The following MID1 variants were observed in gnomAD, a reference collection of about 807,000 sequenced individuals.
MID1 encodes midline 1, also known as E3 ubiquitin-protein ligase Midline-1.
Under a neutral mutation model 40.4 loss-of-function variants are expected in MID1, and 7 were observed. The ratio of observed to expected loss-of-function variants is 0.17; its 90% CI spans 0.10 to 0.33. MID1 has a LOEUF of 0.33. MID1 is among the 10% of genes least tolerant of loss of function. The probability of loss-of-function intolerance (pLI) is 1.00; values close to 1 mark genes in which losing one functional copy is unlikely to be tolerated. For synonymous variants in MID1, 229 were observed against 221.2 expected (o/e 1.04, Z -0.31); for missense variants, 367 against 558.5 (o/e 0.66, Z 3.46).
intron 3 of MID1, among the ~76,000 whole-genome samples, chrX:10,507,124 A>G (rs1198623605): frequency 2.7e-5 from 3 of 111,403 alleles, no homozygotes; most frequent in Non-Finnish European, 5.7e-5. Context: ...GATTATTTGG[A>G]GAAGTGTCCC....
intron 1 of MID1, among the ~76,000 whole-genome samples, chrX:10,626,940 C>G (rs1420411557): frequency 9.0e-6 from 1 of 110,676 alleles, no homozygotes; most frequent in Non-Finnish European, 1.9e-5. Context: ...ATTCATAAAC[C>G]AGGAAAGAGC....
intron 8 of MID1, among the ~76,000 whole-genome samples, chrX:10,456,679 A>G (rs1035325418): frequency 2.7e-5 from 3 of 111,434 alleles, no homozygotes; most frequent in African/African-American, 9.8e-5. Flanking sequence ...TCTACTAAAA[A>G]TACAAAAATT....
chrX:10,514,368 A>G (rs951817667), intron 3 of MID1, among the ~76,000 whole-genome samples: 1 of 112,330 alleles, frequency 8.9e-6, no homozygotes, highest in Non-Finnish European at 1.9e-5. Context: ...CTCATTCCAA[A>G]ATACTCAAAG....
chrX:10,656,572 A>G (rs1447997637), intron 1 of MID1, among the ~76,000 whole-genome samples: 2 of 111,725 alleles, frequency 1.8e-5, no homozygotes, highest in Non-Finnish European at 3.8e-5. Flanking sequence ...AAATGCCAAC[A>G]GTCAGTTTCC....
chrX:10,514,092 A>G (rs1360462955), intron 3 of MID1, among the ~76,000 whole-genome samples: 1 of 111,691 alleles, frequency 9.0e-6, no homozygotes, highest in Non-Finnish European at 1.9e-5. Context: ...TTTAAGTATT[A>G]ACCTTGGAAA....
intron 1 of MID1, among the ~76,000 whole-genome samples, chrX:10,610,213 A>G (rs1202262968): frequency 8.9e-6 from 1 of 112,333 alleles, no homozygotes; most frequent in East Asian, 2.8e-4. Flanking sequence ...GCTCTGGGGC[A>G]GTGCTCTCAC....
intron 1 of MID1, among the ~76,000 whole-genome samples, chrX:10,721,213 T>G (rs890518077): frequency 9.0e-6 from 1 of 110,556 alleles, no homozygotes; most frequent in Non-Finnish European, 1.9e-5. Context: ...AAAAGAAAAA[T>G]AAATAAAGAA....
intron 1 of MID1, among the ~76,000 whole-genome samples, chrX:10,794,947 A>T (rs1422247041): frequency 9.0e-6 from 1 of 111,242 alleles, no homozygotes; most frequent in Non-Finnish European, 1.9e-5. Context: ...ACATATCCAC[A>T]CCCCATCTCC....
chrX:10,595,242 C>G lies in MID1; in HGVS notation c.-57+25048G>C, dbSNP rs538241403. Among the ~76,000 whole-genome samples the G allele has an allele frequency of 3.2e-3, 361 of 111,689 alleles. 4 individuals are homozygous for G. The highest frequency in any genetic ancestry group is 0.011 in the African/African-American group (346 of 30,789). ...TGAAATTACTATGTCGAAGACACAC[C>G]CGCATATTCATGTTTATTGCAGCAC... On this transcript the variant is annotated intron_variant, in intron 1 of 9. Coordinates refer to ENST00000317552, the MANE Select transcript of MID1 (RefSeq NM_000381.4).
At chrX:10,557,810 G>A (rs1278268575) in intron 2 of MID1, among the ~76,000 whole-genome samples, 1 of 111,722 alleles carries the variant, frequency 9.0e-6, no homozygotes, top group Non-Finnish European at 1.9e-5. Flanking sequence ...AATCAGCAAC[G>A]ACATCTCCTA....
intron 1 of MID1, among the ~76,000 whole-genome samples, chrX:10,686,158 C>T (rs974149367): frequency 5.4e-5 from 6 of 111,367 alleles, no homozygotes; most frequent in African/African-American, 2.0e-4. Context: ...ATCACCATGG[C>T]TCAGAGTCTG....
intron 1 of MID1, among the ~76,000 whole-genome samples, chrX:10,696,017 GGTT>G (rs779452056): frequency 1.8e-5 from 2 of 111,151 alleles, no homozygotes; most frequent in Non-Finnish European, 3.8e-5. Flanking sequence ...ATGGTCAGGT[GGTT>G]GTTAACTGTC....
intron 1 of MID1, among the ~76,000 whole-genome samples, chrX:10,596,050 T>C (rs893699919): frequency 8.0e-5 from 9 of 112,200 alleles, no homozygotes; most frequent in Non-Finnish European, 1.7e-4. Flanking sequence ...TAAACTAATA[T>C]GAATAAAACG....
intron 1 of MID1, among the ~76,000 whole-genome samples, chrX:10,719,385 C>T (rs1171575386): frequency 9.0e-6 from 1 of 111,454 alleles, no homozygotes; most frequent in African/African-American, 3.3e-5. Context: ...AAACCACAAG[C>T]ATTCTTATAC....
chrX:10,524,302 C>A (rs745679459), intron 2 of MID1, among the ~76,000 whole-genome samples: 1 of 111,633 alleles, frequency 9.0e-6, no homozygotes, highest in Non-Finnish European at 1.9e-5. Flanking sequence ...CTCTTGATTG[C>A]CAGGGGTGTC....
chrX:10,715,383 A>C (rs2043294499), intron 1 of MID1, among the ~76,000 whole-genome samples: 2 of 112,263 alleles, frequency 1.8e-5, no homozygotes, highest in Admixed American at 1.9e-4. Flanking sequence ...AGCAAACGGC[A>C]CACCAGGAGA....
At chrX:10,458,835 C>A (rs1328019021) in intron 8 of MID1, among the ~76,000 whole-genome samples, 1 of 111,607 alleles carries the variant, frequency 9.0e-6, no homozygotes, top group African/African-American at 3.3e-5. Flanking sequence ...CTGTTGACTG[C>A]CTGGCAACCT....
chrX:10,708,278 G>GA (rs1178922902), intron 1 of MID1, among the ~76,000 whole-genome samples: 1 of 111,762 alleles, frequency 8.9e-6, no homozygotes, highest in Admixed American at 9.5e-5. Flanking sequence ...TTGGGGAAGT[G>GA]AAATATGGGC....
In MID1 at chrX:10,447,137, T is replaced by G. The variant is rs987639468; in HGVS notation, c.*2231A>C. The G allele has an allele frequency of 8.9e-6, 1 of 111,923 alleles. No homozygotes were observed. The highest frequency in any genetic ancestry group is 3.2e-5 in the African/African-American group (1 of 30,772). 9.2% of individuals were successfully genotyped at this position (111,923 alleles called of 1,213,427 possible). A position where few individuals can be genotyped will look rare whatever the true frequency, so the allele number is the denominator to read the frequency against. ...GTAACTGCTACTATCCACAATGCTT[T>G]TAAGTTAGCCAAGAGTGAGACTTCC... On this transcript the variant is annotated 3_prime_UTR_variant, in exon 10 of 10. Transcript: ENST00000317552.
Sources: allele counts gnomAD v4.1 joint callset (sites outside exome capture counted in the v4.1 genomes callset), GRCh38; gene constraint gnomAD v4.1.1; transcripts MANE v1.5; gene names NCBI Gene and HGNC (gene_info 2026-07-23, HGNC 2026-07-21).